Variants in RPS6KA2 observed in about 807,000 individuals in gnomAD.
The protein encoded by RPS6KA2 is ribosomal protein S6 kinase alpha-2.
RPS6KA2 carries 42 observed loss-of-function variants against 91.8 expected under a neutral mutation model. The ratio of observed to expected loss-of-function variants is 0.46; its 90% CI spans 0.36 to 0.59. RPS6KA2 has a LOEUF of 0.59. Ranked by LOEUF, RPS6KA2 falls within the 20% of genes least tolerant of loss-of-function variation. The pLI, the probability that RPS6KA2 is intolerant of heterozygous loss-of-function variation, is 0.00. For missense variants in RPS6KA2, 798 were observed against 978.5 expected (o/e 0.82, Z 2.46); for synonymous variants, 414 against 393.6 (o/e 1.05, Z -0.61).
chr6:166,593,609 C>T (rs1038988533), intron 1 of RPS6KA2, among the ~76,000 whole-genome samples: 1 of 151,950 alleles, frequency 6.6e-6, no homozygotes, highest in Non-Finnish European at 1.5e-5. Flanking sequence ...TTAAAATTGA[C>T]GTGCGTCAAA....
rs367971715 is a variant in RPS6KA2 at position 166,485,421 on chromosome 6, C to G, written c.907+3412G>C. 3.8e-4 allele frequency among the ~76,000 whole-genome samples: 58 copies of G among 152,340 alleles called. 1 individual carries two copies. The highest frequency in any genetic ancestry group is 1.3e-3 in the African/African-American group (55 of 41,574). ...GGTTGAGATCTGCTGAGCTGGGGAG[C>G]AAGCCCCTGCCAGCGAGCCCCTGAT... On this transcript the variant is annotated intron_variant, in intron 10 of 20. Transcript: ENST00000265678.
At chr6:166,715,808 C>T (rs148187220) in intron 2 of RPS6KA2, among the ~76,000 whole-genome samples, 2,010 of 152,202 alleles carry the variant, frequency 0.013, 12 homozygotes, top group Non-Finnish European at 0.022. Context: ...GAGGCCGAGG[C>T]AGGCGGATCA....
chr6:166,790,361 C>T (rs567936109), intron 2 of RPS6KA2, among the ~76,000 whole-genome samples: 14 of 152,236 alleles, frequency 9.2e-5, no homozygotes, highest in South Asian at 8.3e-4. Context: ...TATGGGACTA[C>T]GTGAAAAGAC....
At chr6:166,629,262 G>A (rs1170053903), upstream of RPS6KA2, among the ~76,000 whole-genome samples, 1 of 152,254 alleles carries the variant, frequency 6.6e-6, no homozygotes, top group Non-Finnish European at 1.5e-5. Flanking sequence ...ACCAACTCAT[G>A]GGCATCCTGT....
chr6:166,577,524 A>G (rs1375476514), intron 1 of RPS6KA2, among the ~76,000 whole-genome samples: 4 of 152,242 alleles, frequency 2.6e-5, no homozygotes, highest in Admixed American at 6.5e-5. Flanking sequence ...TTGGAGCTCT[A>G]AAGTTTGACT....
chr6:166,523,658 G>T (rs1280837689), intron 3 of RPS6KA2, among the ~76,000 whole-genome samples: 2 of 152,066 alleles, frequency 1.3e-5, no homozygotes, highest in Non-Finnish European at 2.9e-5. Context: ...TCTCCCCTGG[G>T]AATCTGAAAT....
At chr6:166,470,089 G>A (rs1394698117) in intron 10 of RPS6KA2, among the ~76,000 whole-genome samples, 184 bp from the exon 11 acceptor site, 5 of 152,212 alleles carry the variant, frequency 3.3e-5, no homozygotes, top group Non-Finnish European at 7.3e-5. Context: ...AGAAAGCCAC[G>A]ACTCAGCCCC....
At chr6:166,848,682 C>T (rs1245943909) in intron 2 of RPS6KA2, among the ~76,000 whole-genome samples, 2 of 151,642 alleles carry the variant, frequency 1.3e-5, no homozygotes, top group Non-Finnish European at 2.9e-5. Flanking sequence ...TGTTCTCACT[C>T]ATAATTGGGA....
intron 2 of RPS6KA2, among the ~76,000 whole-genome samples, chr6:166,736,274 T>C (rs1790667128): frequency 6.6e-6 from 1 of 152,246 alleles, no homozygotes; most frequent in East Asian, 1.9e-4. Context: ...TGTTCTGCTC[T>C]TTCTTGGATG....
intron 2 of RPS6KA2, among the ~76,000 whole-genome samples, chr6:166,684,732 A>G (rs1788954838): frequency 6.6e-6 from 1 of 152,060 alleles, no homozygotes; most frequent in Non-Finnish European, 1.5e-5. Context: ...CCATCCCCGA[A>G]AGCCTCACCT....
Position 166,508,266 on chromosome 6 carries a change from T to G in RPS6KA2, c.396A>C (p.Gly132=). The change falls in exon 5 of 21, where the codon GGA becomes GGC. Residue 132 remains glycine (G), a synonymous_variant. Transcript: ENST00000265678. The surrounding 1 kb of genome is among the most constrained non-coding windows in gnomAD (Gnocchi z 4.3). ...GGAAGTCCAGGATCAGGTAGAGCTT[T>G]CCTTCCGTCTGAAAGGCTGTGGGGG... ...VKLHYAFQTE[G]KLYLILDFLR... The G allele has an allele frequency of 6.2e-7, 1 of 1,613,046 alleles. No individual in the cohort carries two copies. The highest frequency in any genetic ancestry group is 8.5e-7 in the Non-Finnish European group (1 of 1,179,012).
At chr6:166,781,221 G>C (rs1402840496) in intron 2 of RPS6KA2, among the ~76,000 whole-genome samples, 2 of 152,188 alleles carry the variant, frequency 1.3e-5, no homozygotes, top group Non-Finnish European at 2.9e-5. Context: ...ACGAAGGTAG[G>C]TCATTATCAA....
chr6:166,593,708 T>G (rs1425111626), intron 1 of RPS6KA2, among the ~76,000 whole-genome samples: 1 of 152,016 alleles, frequency 6.6e-6, no homozygotes, highest in Non-Finnish European at 1.5e-5. Context: ...AAAGAGCTCT[T>G]ACGAATCAGT....
intron 2 of RPS6KA2, among the ~76,000 whole-genome samples, chr6:166,744,775 G>A (rs1433957940): frequency 1.3e-5 from 2 of 152,184 alleles, no homozygotes; most frequent in Non-Finnish European, 2.9e-5. Flanking sequence ...CCCTGGCGGC[G>A]GTGGGGTCGC....
intron 14 of RPS6KA2, among the ~76,000 whole-genome samples, chr6:166,443,109 A>T (rs1779571493): frequency 6.6e-6 from 1 of 152,222 alleles, no homozygotes; most frequent in Non-Finnish European, 1.5e-5. Context: ...TGTATTAAGA[A>T]TACAGTATAT....
At chr6:166,492,529 T>C (rs1781628546) in intron 8 of RPS6KA2, among the ~76,000 whole-genome samples, 1 of 152,180 alleles carries the variant, frequency 6.6e-6, no homozygotes, top group Non-Finnish European at 1.5e-5. Context: ...TTGAGTCTAT[T>C]AATAGCACTA....
At chr6:166,804,595 G>A (rs889158337) in intron 2 of RPS6KA2, among the ~76,000 whole-genome samples, 1 of 151,914 alleles carries the variant, frequency 6.6e-6, no homozygotes. Flanking sequence ...TTCAATGAGA[G>A]GTCTAGGCAT....
chr6:166,622,926 ATGTCCCAG>A (rs540278291), intron 1 of RPS6KA2, among the ~76,000 whole-genome samples: 69 of 152,310 alleles, frequency 4.5e-4, no homozygotes, highest in African/African-American at 1.5e-3. Context: ...TCCTATTTTT[ATGTCCCAG>A]TTGCTTAGCA....
At chr6:166,809,883 C>A (rs1014464971) in intron 2 of RPS6KA2, among the ~76,000 whole-genome samples, 3 of 152,344 alleles carry the variant, frequency 2.0e-5, no homozygotes, top group African/African-American at 7.2e-5. Context: ...TGCAGCCTTA[C>A]TCGTGGCCAT....
Sources: allele counts gnomAD v4.1 joint callset (sites outside exome capture counted in the v4.1 genomes callset), GRCh38; gene constraint gnomAD v4.1.1; non-coding constraint Gnocchi (gnomAD v3.1); transcripts MANE v1.5; gene names NCBI Gene and HGNC (gene_info 2026-07-23, HGNC 2026-07-21).